SGCZ: variants seen among roughly 807,000 people sequenced by gnomAD.
SGCZ encodes zeta-sarcoglycan.
SGCZ carries 40 observed loss-of-function variants against 41.3 expected under a neutral mutation model. That is an observed-to-expected ratio of 0.97 (90% CI 0.75 to 1.26). The LOEUF is 1.26. Among genes scored for constraint, SGCZ ranks in the 50% most tolerant of loss-of-function variants. The pLI is 0.00. For synonymous variants in SGCZ, 206 were observed against 137.5 expected, an observed-to-expected ratio of 1.50 and a Z score of -3.49; for missense variants, 552 against 369.8, an observed-to-expected ratio of 1.49 and a Z score of -4.04.
chr8:14,507,516 G>A (rs1290621663), intron 2 of SGCZ, among the ~76,000 whole-genome samples: 3 of 152,132 alleles, frequency 2.0e-5, no homozygotes, highest in Admixed American at 6.5e-5. Flanking sequence ...ATCCTACAGA[G>A]TCCCCACATC....
intron 2 of SGCZ, among the ~76,000 whole-genome samples, chr8:14,493,369 T>TC (rs1327750765): frequency 1.7e-5 from 2 of 116,398 alleles, no homozygotes. Flanking sequence ...CTTTTTTTTT[T>TC]TTTTTTTTTT....
chr8:14,275,515 A>G (rs901131708), intron 3 of SGCZ, among the ~76,000 whole-genome samples: 1 of 152,100 alleles, frequency 6.6e-6, no homozygotes, highest in Admixed American at 6.6e-5. Context: ...TTGATCACTC[A>G]GCACTTCTAC....
Position 14,245,623 on chromosome 8 carries a change from C to T in SGCZ, c.337-7944G>A, listed in dbSNP as rs568982569. On this transcript the variant is annotated intron_variant, in intron 3 of 7. Coordinates refer to ENST00000382080, the MANE Select transcript of SGCZ (RefSeq NM_139167.4). ...ATCTAATTAAACTAAAGAGCTTCTG[C>T]ACAGCAAAAGAAACTACCATCAGCG... 2.6e-3 allele frequency among the ~76,000 whole-genome samples: 395 copies of T among 152,066 alleles called. 1 individual carries two copies. The highest frequency in any genetic ancestry group is 8.8e-3 in the African/African-American group (366 of 41,512).
intron 1 of SGCZ, among the ~76,000 whole-genome samples, chr8:15,068,224 T>C (rs1032643409): frequency 1.3e-5 from 2 of 152,224 alleles, no homozygotes; most frequent in Non-Finnish European, 2.9e-5. Context: ...TAAGTCAGCC[T>C]TCCAACATCA....
At chr8:15,019,126 A>T (rs935237748) in intron 1 of SGCZ, among the ~76,000 whole-genome samples, 3 of 152,184 alleles carry the variant, frequency 2.0e-5, no homozygotes, top group Non-Finnish European at 4.4e-5. Flanking sequence ...CTCAACATGG[A>T]AGATTACAAC....
intron 2 of SGCZ, among the ~76,000 whole-genome samples, chr8:14,494,226 T>A (rs894564406): frequency 6.6e-6 from 1 of 152,158 alleles, no homozygotes; most frequent in East Asian, 1.9e-4. Flanking sequence ...TCCAAGAAGT[T>A]GAAATAAAGA....
intron 4 of SGCZ, among the ~76,000 whole-genome samples, chr8:14,205,043 T>C (rs1805574018): frequency 6.6e-6 from 1 of 152,214 alleles, no homozygotes; most frequent in Non-Finnish European, 1.5e-5. Context: ...ATTATCTATC[T>C]ATGCATCAAG....
chr8:14,654,512 C>T (rs1807498541), intron 1 of SGCZ, among the ~76,000 whole-genome samples: 1 of 152,116 alleles, frequency 6.6e-6, no homozygotes, highest in Non-Finnish European at 1.5e-5. Flanking sequence ...AGCAAGCACT[C>T]AATAAATATG....
Position 14,118,437 on chromosome 8 carries a change from G to C in SGCZ, c.548-10202C>G, listed in dbSNP as rs367976604. 3.3e-5 allele frequency among the ~76,000 whole-genome samples: 5 copies of C among 152,120 alleles called. No homozygotes were observed. The East Asian group carries it at 5.8e-4, about 18-fold the overall frequency. On this transcript the variant is annotated intron_variant, in intron 5 of 7. Coordinates refer to ENST00000382080, the MANE Select transcript of SGCZ (RefSeq NM_139167.4). The stretch of plus-strand genomic sequence containing the variant: ...GGTTGTTTTTTTCTTGTAAATTTAA[G>C]TTCTTTGTAGATTCTGGATATTAGC...
At chr8:14,677,573 C>T (rs754831456) in intron 1 of SGCZ, among the ~76,000 whole-genome samples, 4 of 152,024 alleles carry the variant, frequency 2.6e-5, no homozygotes, top group East Asian at 1.9e-4. Flanking sequence ...GAGTTAGAGG[C>T]CAGCCTGGCA....
At chr8:14,574,197 T>C (rs1315478990) in intron 1 of SGCZ, among the ~76,000 whole-genome samples, 2 of 152,152 alleles carry the variant, frequency 1.3e-5, no homozygotes, top group South Asian at 2.1e-4. Flanking sequence ...GATGCGGATG[T>C]TGGGGCTCAG....
At chr8:14,158,374 G>T (rs1803939100) in intron 5 of SGCZ, among the ~76,000 whole-genome samples, 1 of 151,986 alleles carries the variant, frequency 6.6e-6, no homozygotes, top group Non-Finnish European at 1.5e-5. Context: ...AGGTATCCGG[G>T]TAATGCGATC....
At chr8:14,685,351 AAGAT>A (rs1240556711) in intron 1 of SGCZ, among the ~76,000 whole-genome samples, 2 of 152,164 alleles carry the variant, frequency 1.3e-5, no homozygotes, top group African/African-American at 2.4e-5. Context: ...GAATTAGACA[AAGAT>A]AGAAGTCTAG....
intron 1 of SGCZ, among the ~76,000 whole-genome samples, chr8:15,021,210 C>G (rs1803237270): frequency 6.6e-6 from 1 of 152,156 alleles, no homozygotes; most frequent in Non-Finnish European, 1.5e-5. Flanking sequence ...GGTATCAATT[C>G]CATGTATCAT....
intron 2 of SGCZ, among the ~76,000 whole-genome samples, chr8:14,395,470 A>C (rs1237765365): frequency 6.6e-6 from 1 of 152,196 alleles, no homozygotes; most frequent in Non-Finnish European, 1.5e-5. Context: ...GTTCCCATAT[A>C]ATCAGCAATG....
chr8:14,156,615 A>T (rs1367306699), intron 5 of SGCZ, among the ~76,000 whole-genome samples: 3 of 152,240 alleles, frequency 2.0e-5, no homozygotes, highest in African/African-American at 7.2e-5. Context: ...GTATAGCTGT[A>T]CAAAACTAAA....
chr8:15,234,147 T>C (rs1802048649), intron 1 of SGCZ, among the ~76,000 whole-genome samples: 1 of 152,092 alleles, frequency 6.6e-6, no homozygotes, highest in Non-Finnish European at 1.5e-5. Flanking sequence ...GCTCTAAAAC[T>C]TAGTCATCTC....
intron 2 of SGCZ, among the ~76,000 whole-genome samples, chr8:14,509,655 A>G (rs1034955738): frequency 6.6e-6 from 1 of 152,118 alleles, no homozygotes; most frequent in African/African-American, 2.4e-5. Flanking sequence ...TTTCACTCCC[A>G]CAGAACTTCT....
intron 2 of SGCZ, among the ~76,000 whole-genome samples, chr8:14,506,150 G>A (rs748642240): frequency 9.5e-4 from 145 of 151,998 alleles, no homozygotes; most frequent in Non-Finnish European, 6.5e-4. Context: ...AGCCTGGCAA[G>A]CATGATGAAA....
Sources: gnomAD v4.1 joint callset for allele counts (sites outside exome capture counted in the v4.1 genomes callset) on GRCh38, gnomAD v4.1.1 for gene constraint, MANE v1.5 for transcripts, NCBI Gene and HGNC (gene_info 2026-07-23, HGNC 2026-07-21) for gene names.